CCDC192: variants seen among roughly 807,000 people sequenced by gnomAD.
The protein encoded by CCDC192 is coiled-coil domain-containing protein 192.
intron 5 of CCDC192, among the ~76,000 whole-genome samples, chr5:127,813,883 T>C (rs79452965): frequency 0.025 from 3,779 of 152,300 alleles, 81 homozygotes; most frequent in Middle Eastern, 0.068. Flanking sequence ...GGACCTGAGC[T>C]TCTCATAGAA....
intron 5 of CCDC192, among the ~76,000 whole-genome samples, chr5:127,823,159 T>G (rs1359399728): frequency 1.3e-5 from 2 of 152,248 alleles, no homozygotes; most frequent in Non-Finnish European, 2.9e-5. Flanking sequence ...CTCTGAGTAC[T>G]TGCTGACAGC....
At chr5:127,702,416 C>T (rs563254937), upstream of CCDC192, among the ~76,000 whole-genome samples, 281 of 152,238 alleles carry the variant, frequency 1.8e-3, no homozygotes, top group African/African-American at 6.4e-3. Flanking sequence ...GAACAACAAC[C>T]GCTCAATAGT....
intron 2 of CCDC192, among the ~76,000 whole-genome samples, chr5:127,731,730 C>A (rs979853684): frequency 6.6e-6 from 1 of 152,076 alleles, no homozygotes; most frequent in East Asian, 1.9e-4. Flanking sequence ...TGATCTTTGA[C>A]AAACCTGACA....
At chr5:127,865,769 A>G (rs968776661) in intron 5 of CCDC192, among the ~76,000 whole-genome samples, 8 of 151,810 alleles carry the variant, frequency 5.3e-5, no homozygotes, top group African/African-American at 1.9e-4. Flanking sequence ...TCTTGTAGCT[A>G]TCAGGCAAAT....
intron 6 of CCDC192, among the ~76,000 whole-genome samples, chr5:127,918,634 T>C (rs1753599293): frequency 6.6e-6 from 1 of 152,240 alleles, no homozygotes; most frequent in South Asian, 2.1e-4. Flanking sequence ...TTAATGTTAA[T>C]CCATTAGGTT....
chr5:127,775,591 G>A (rs900256895), intron 3 of CCDC192, among the ~76,000 whole-genome samples: 1 of 152,238 alleles, frequency 6.6e-6, no homozygotes, highest in South Asian at 2.1e-4. Context: ...CATCACACCT[G>A]AATAATAATA....
At chr5:127,916,249 A>G (rs1753517751) in intron 6 of CCDC192, among the ~76,000 whole-genome samples, 1 of 152,166 alleles carries the variant, frequency 6.6e-6, no homozygotes, top group South Asian at 2.1e-4. Flanking sequence ...TTTAGTCTCC[A>G]TTTCTAATTC....
At chr5:127,746,886 T>C (rs951407459) in intron 2 of CCDC192, among the ~76,000 whole-genome samples, 1 of 152,100 alleles carries the variant, frequency 6.6e-6, no homozygotes, top group African/African-American at 2.4e-5. Context: ...GTTCAATGTA[T>C]AGTATGAACA....
At chr5:127,860,989 T>G (rs1377678885) in intron 5 of CCDC192, among the ~76,000 whole-genome samples, 1 of 152,162 alleles carries the variant, frequency 6.6e-6, no homozygotes, top group African/African-American at 2.4e-5. Context: ...TTTAAAGCAT[T>G]TTAAGAAGCA....
At chr5:127,856,854 A>C (rs1751121604) in intron 5 of CCDC192, among the ~76,000 whole-genome samples, 1 of 152,194 alleles carries the variant, frequency 6.6e-6, no homozygotes, top group African/African-American at 2.4e-5. Flanking sequence ...GGTGCCCCAA[A>C]ACAATAACAA....
chr5:127,797,691 G>C (rs542303549), intron 4 of CCDC192, among the ~76,000 whole-genome samples: 1 of 140,234 alleles, frequency 7.1e-6, no homozygotes, highest in Non-Finnish European at 1.5e-5. Flanking sequence ...CAATCCAAAG[G>C]GTTTGCTTTT....
At chr5:127,852,455 G>A (rs1179321485) in intron 5 of CCDC192, among the ~76,000 whole-genome samples, 1 of 152,162 alleles carries the variant, frequency 6.6e-6, no homozygotes, top group Non-Finnish European at 1.5e-5. Flanking sequence ...GAAACACACA[G>A]TCACATTTAC....
chr5:127,918,079 G>T (rs1336394976), intron 6 of CCDC192, among the ~76,000 whole-genome samples: 1 of 152,106 alleles, frequency 6.6e-6, no homozygotes, highest in East Asian at 1.9e-4. Flanking sequence ...AGGCTGCCAT[G>T]AGCTGAGATC....
chr5:127,896,240 A>G (rs968942288), intron 6 of CCDC192, among the ~76,000 whole-genome samples: 8 of 151,984 alleles, frequency 5.3e-5, no homozygotes, highest in Non-Finnish European at 1.2e-4. Flanking sequence ...TGAGTTAGAG[A>G]CCAGCCTGGG....
intron 5 of CCDC192, among the ~76,000 whole-genome samples, chr5:127,852,267 C>T (rs984447016): frequency 2.5e-4 from 38 of 152,148 alleles, no homozygotes; most frequent in African/African-American, 8.4e-4. Context: ...ATTGAATTTA[C>T]TCACATTTTC....
chr5:127,733,275 A>T lies in CCDC192; in HGVS notation c.115-20993A>T, dbSNP rs77115578. On this transcript the variant is annotated intron_variant, in intron 2 of 6. Coordinates refer to ENST00000514853, the MANE Select transcript of CCDC192 (RefSeq NM_001317938.2). ...TAGGCTGAGAACTCCCAGAAGCTGG[A>T]CCATAGGAACATAAAACCTACAGCT... is the stretch of plus-strand genomic sequence containing the variant. 7.2e-5 allele frequency among the ~76,000 whole-genome samples: 11 copies of T among 152,286 alleles called. No individual in the cohort carries two copies. The East Asian group carries it at 2.1e-3, about 29-fold the overall frequency.
chr5:127,890,128 C>G (rs1048410989), intron 6 of CCDC192, among the ~76,000 whole-genome samples: 2 of 152,086 alleles, frequency 1.3e-5, no homozygotes, highest in African/African-American at 4.8e-5. Flanking sequence ...AATCCCAGCA[C>G]TGTGGTAGGC....
At chr5:127,734,760 T>A (rs1234393396) in intron 2 of CCDC192, among the ~76,000 whole-genome samples, 18 of 151,060 alleles carry the variant, frequency 1.2e-4, no homozygotes, top group Admixed American at 1.1e-3. Flanking sequence ...CTTTGCCCAC[T>A]TTTTGATGGG....
chr5:127,814,393 T>C (rs1032325946), intron 5 of CCDC192, among the ~76,000 whole-genome samples: 3 of 152,176 alleles, frequency 2.0e-5, no homozygotes, highest in African/African-American at 7.2e-5. Context: ...TAAAACACAC[T>C]TCCCCAGAGT....
Sources: allele counts gnomAD v4.1 joint callset (sites outside exome capture counted in the v4.1 genomes callset), GRCh38; gene constraint gnomAD v4.1.1; transcripts MANE v1.5; gene names NCBI Gene and HGNC (gene_info 2026-07-23, HGNC 2026-07-21).